SPMIP4: variants seen among roughly 807,000 people sequenced by gnomAD.
SPMIP4 encodes the protein sperm-associated microtubule inner protein 4.
the SPMIP4 span, among the ~76,000 whole-genome samples, chr7:25,163,408 C>T: frequency 6.6e-6 from 1 of 152,110 alleles, no homozygotes; most frequent in Non-Finnish European, 1.5e-5. This position sits in a 1 kb window ranked among gnomAD's most constrained non-coding sequence, Gnocchi z 4.4. Context: ...CCGAATGGCC[C>T]TGGAGTGTGA....
At chr7:25,148,475 C>CTATTTTTTT in the SPMIP4 span, among the ~76,000 whole-genome samples, 1 of 65,772 alleles carries the variant, frequency 1.5e-5, no homozygotes, top group South Asian at 5.0e-4. Flanking sequence ...CAGAATCTGC[C>CTATTTTTTT]TCTTTTTTTT....
the SPMIP4 span, chr7:25,179,803 A>T: frequency 3.4e-3 from 518 of 152,614 alleles, 2 homozygotes; most frequent in South Asian, 7.9e-3. Flanking sequence ...ACGGGACCCT[A>T]AAGGGGATTC....
chr7:25,156,164 A>G, the SPMIP4 span, among the ~76,000 whole-genome samples: 1 of 152,180 alleles, frequency 6.6e-6, no homozygotes, highest in Non-Finnish European at 1.5e-5. Context: ...CCTGAGGAGG[A>G]TGCCATGTGA....
the SPMIP4 span, among the ~76,000 whole-genome samples, chr7:25,131,803 T>C: frequency 1.3e-5 from 2 of 152,190 alleles, no homozygotes; most frequent in African/African-American, 2.4e-5. The surrounding 1 kb of genome is among the most constrained non-coding windows in gnomAD (Gnocchi z 4.2). Context: ...TTCAGCTCAA[T>C]TAGGACGAAC....
chr7:25,144,344 G>A, the SPMIP4 span, among the ~76,000 whole-genome samples: 1 of 152,230 alleles, frequency 6.6e-6, no homozygotes, highest in Admixed American at 6.5e-5. Flanking sequence ...ACTACTTCGA[G>A]TTCTGCACTG....
the SPMIP4 span, among the ~76,000 whole-genome samples, chr7:25,161,035 T>G: frequency 6.6e-6 from 1 of 152,152 alleles, no homozygotes; most frequent in Non-Finnish European, 1.5e-5. Context: ...CTTTTGTTTG[T>G]TTGGTCTTGG....
At chr7:25,126,762 CTTACTA>C in the SPMIP4 span, among the ~76,000 whole-genome samples, 6 of 152,270 alleles carry the variant, frequency 3.9e-5, no homozygotes, top group East Asian at 1.9e-4. Context: ...TTTCTGTGTA[CTTACTA>C]TTAGTAGTGA....
the SPMIP4 span, among the ~76,000 whole-genome samples, chr7:25,157,085 C>T: frequency 1.3e-5 from 2 of 151,872 alleles, no homozygotes; most frequent in Non-Finnish European, 2.9e-5. Flanking sequence ...CAAAACCCCA[C>T]GATGATGGGG....
the SPMIP4 span, among the ~76,000 whole-genome samples, chr7:25,131,088 T>G: frequency 6.6e-6 from 1 of 152,176 alleles, no homozygotes; most frequent in Non-Finnish European, 1.5e-5. This position sits in a 1 kb window ranked among gnomAD's most constrained non-coding sequence, Gnocchi z 4.2. Context: ...CTGCCTGAGC[T>G]CCATCTCCTG....
At chr7:25,154,442 A>T in the SPMIP4 span, among the ~76,000 whole-genome samples, 1 of 152,190 alleles carries the variant, frequency 6.6e-6, no homozygotes, top group Admixed American at 6.5e-5. Context: ...TGTGGGAGAG[A>T]TTCGATGACT....
the SPMIP4 span, among the ~76,000 whole-genome samples, chr7:25,143,901 G>C: frequency 6.6e-5 from 10 of 152,194 alleles, no homozygotes; most frequent in Admixed American, 2.0e-4. Flanking sequence ...TCGACCATGA[G>C]ACACAATTAT....
At chr7:25,171,020 C>T in the SPMIP4 span, among the ~76,000 whole-genome samples, 1 of 152,320 alleles carries the variant, frequency 6.6e-6, no homozygotes, top group South Asian at 2.1e-4. Context: ...ACCTAAGAAT[C>T]AGAATCTCTG....
chr7:25,151,994 G>A, the SPMIP4 span, among the ~76,000 whole-genome samples: 2 of 152,162 alleles, frequency 1.3e-5, no homozygotes, highest in Non-Finnish European at 2.9e-5. Context: ...TGTTGCTCTT[G>A]AATTCTTGAG....
At chr7:25,168,645 G>T in the SPMIP4 span, among the ~76,000 whole-genome samples, 1 of 152,162 alleles carries the variant, frequency 6.6e-6, no homozygotes, top group East Asian at 1.9e-4. Context: ...TGGGACTGCT[G>T]AAAGAATGAG....
At chr7:25,157,025 G>A in the SPMIP4 span, among the ~76,000 whole-genome samples, 1 of 151,798 alleles carries the variant, frequency 6.6e-6, no homozygotes, top group Non-Finnish European at 1.5e-5. Flanking sequence ...CTGGATTATT[G>A]CAGAGTGACA....
At chr7:25,179,275 T>A in the SPMIP4 span, 2 of 1,613,406 alleles carry the variant, frequency 1.2e-6, no homozygotes, top group Non-Finnish European at 1.7e-6. Context: ...TCAAGCTCCC[T>A]GCAACAGTAG....
chr7:25,146,605 G>A, the SPMIP4 span, among the ~76,000 whole-genome samples: 1 of 152,192 alleles, frequency 6.6e-6, no homozygotes, highest in East Asian at 1.9e-4. Flanking sequence ...GGGCATTTTA[G>A]ATTGGAAAGA....
the SPMIP4 span, among the ~76,000 whole-genome samples, chr7:25,155,700 GT>G: frequency 6.6e-6 from 1 of 151,932 alleles, no homozygotes; most frequent in Non-Finnish European, 1.5e-5. Flanking sequence ...TATAACCCCT[GT>G]TTATATACAC....
the SPMIP4 span, among the ~76,000 whole-genome samples, chr7:25,160,238 G>C: frequency 3.0e-5 from 2 of 67,060 alleles, no homozygotes; most frequent in African/African-American, 6.1e-5. Flanking sequence ...TCAACAACTA[G>C]TACTTCTTAA....
Sources: allele counts gnomAD v4.1 joint callset (sites outside exome capture counted in the v4.1 genomes callset), GRCh38; gene constraint gnomAD v4.1.1; non-coding constraint Gnocchi (gnomAD v3.1); transcripts MANE v1.5; gene names NCBI Gene and HGNC (gene_info 2026-07-23, HGNC 2026-07-21).